The following FUOM variants were observed in gnomAD, a reference collection of about 807,000 sequenced individuals.
FUOM encodes the protein protein fucU homolog.
Under a neutral mutation model 18.3 loss-of-function variants are expected in FUOM, and 19 were observed. That is an observed-to-expected ratio of 1.04 (90% CI 0.73 to 1.53). FUOM has a LOEUF of 1.53. Among genes scored for constraint, FUOM ranks in the 40% most tolerant of loss-of-function variants. The pLI is 0.00. For missense variants in FUOM, 210 were observed against 200.9 expected (o/e 1.04, Z -0.27); for synonymous variants, 102 against 87.9 (o/e 1.16, Z -0.90).
At chr10:133,355,855 A>G (rs758699899) in intron 4 of FUOM, 44 bp from the exon 5 acceptor site, 3 of 1,522,172 alleles carry the variant, frequency 2.0e-6, no homozygotes, top group Non-Finnish European at 2.7e-6. Context: ...CTGCCAAGAA[A>G]CCCTCATGGG....
At chr10:133,355,558 A>C in intron 5 of FUOM, 122 bp from the exon 6 acceptor site, 1 of 1,609,108 alleles carries the variant, frequency 6.2e-7, no homozygotes, top group Admixed American at 1.7e-5. Context: ...GCTCAGGCAA[A>C]TGGGGGCCCT....
downstream of FUOM, among the ~76,000 whole-genome samples, chr10:133,354,783 C>T (rs1033455863): frequency 2.7e-5 from 4 of 149,838 alleles, no homozygotes; most frequent in Non-Finnish European, 5.9e-5. Flanking sequence ...CGGGAGGCCA[C>T]CTATGCCACA....
chr10:133,355,397 C>A lies in FUOM; in HGVS notation c.438G>T (p.Gly146=), dbSNP rs1397081697. 6.2e-7 allele frequency: 1 copy of A among 1,608,894 alleles called. No individual in the cohort carries two copies. The highest frequency in any genetic ancestry group is 1.1e-5 in the South Asian group (1 of 90,590). The part of the protein sequence containing the change: ...ALYGNLILRK[G]VLALNPLL ...ACAGCAGGGGGTTGAGGGCAAGCAC[C>A]CCCTTCCTGAGGATGAGGTTTCCGT... Residue 146 remains glycine (G), a synonymous_variant, in exon 6 of 6, where the codon GGG becomes GGT. Transcript: ENST00000278025.
Position 133,356,727 on chromosome 10 carries a change from C to T in FUOM, c.237G>A (p.Met79Ile). 1 of 1,589,346 alleles carries T rather than the reference C, an allele frequency of 6.3e-7. No individual in the cohort carries two copies. The highest frequency in any genetic ancestry group is 1.3e-5 in the African/African-American group (1 of 74,342). The change falls in exon 4 of 6, where the codon ATG (methionine) becomes ATA (isoleucine). Residue 79 changes from methionine (M) to isoleucine (I), a missense_variant. Coordinates refer to ENST00000278025, the MANE Select transcript of FUOM (RefSeq NM_001098483.3). ...TCTCCTTGTCGCTGGGCACCAGCTC[C>T]ATGACTGCAGCCTAGAGGGAGGGGT... Reference protein sequence around the residue: ...DTYVESPAAVMELVPSDKERG... With the variant: ...DTYVESPAAVIELVPSDKERG...
chr10:133,355,228 C>T lies in FUOM; in HGVS notation c.*142G>A. Reference sequence around the variant, plus strand: ...GGGATACTCGTCCCAATTGGCAGGGCCCACCCCAAGACTGCCGGCCCCTAG... The same window carrying T: ...GGGATACTCGTCCCAATTGGCAGGGTCCACCCCAAGACTGCCGGCCCCTAG... On this transcript the variant is annotated 3_prime_UTR_variant, in exon 6 of 6. Transcript: ENST00000278025. 1 of 841,994 alleles carries T rather than the reference C, an allele frequency of 1.2e-6. No homozygotes were observed. Among genetic ancestry groups the T allele is most frequent in the Non-Finnish European group, 1.8e-6 (1 of 557,270 alleles). The allele number at this position is 841,994 out of a possible 1,614,324, so 52.2% of individuals were successfully genotyped here.
chr10:133,356,200 G>T (rs1345855178), intron 4 of FUOM, among the ~76,000 whole-genome samples: 1 of 152,246 alleles, frequency 6.6e-6, no homozygotes, highest in Non-Finnish European at 1.5e-5. Context: ...CTGTCCCCTT[G>T]CAGGGCAAGG....
downstream of FUOM, among the ~76,000 whole-genome samples, chr10:133,355,001 T>C: frequency 6.6e-6 from 1 of 151,974 alleles, no homozygotes; most frequent in East Asian, 1.9e-4. Context: ...CTCCAGCCCT[T>C]GGTGTCCCCA....
rs369096518 is a variant in FUOM at position 133,355,311 on chromosome 10, G to A, written c.*59C>T. 3.8e-4 allele frequency: 578 copies of A among 1,528,088 alleles called. 7 individuals are homozygous for A. The highest frequency in any genetic ancestry group is 1.4e-4 in the Admixed American group (7 of 51,124). 94.7% of individuals were successfully genotyped at this position (1,528,088 alleles called of 1,614,324 possible). A position where few individuals can be genotyped will look rare whatever the true frequency, so the allele number is the denominator to read the frequency against. ...CACTGGGAGGCCTGTTGTGAGTGGT[G>A]GTACTGGAGCTCAGGGTGCCCCCAG... On this transcript the variant is annotated 3_prime_UTR_variant, in exon 6 of 6. Transcript: ENST00000278025.
Position 133,356,697 on chromosome 10 carries a change from G to A in FUOM, c.267C>T (p.Gly89=). 2.5e-6 allele frequency: 4 copies of A among 1,600,102 alleles called. No individual in the cohort carries two copies. Among genetic ancestry groups the A allele is most frequent in the African/African-American group, 2.7e-5 (2 of 74,726 alleles). ...ACTCCGTCCACACTGGGGTCTGCAGGCCCCTCTCCTTGTCGCTGGGCACCA... is the reference window on the plus strand; with the variant it reads ...ACTCCGTCCACACTGGGGTCTGCAGACCCCTCTCCTTGTCGCTGGGCACCA... ...MELVPSDKER[G]LQTPVWTEYE... The change falls in exon 4 of 6, where the codon GGC becomes GGT. Residue 89 remains glycine (G), a synonymous_variant. Transcript: ENST00000278025.
downstream of FUOM, among the ~76,000 whole-genome samples, chr10:133,354,389 AC>A (rs1848730384): frequency 6.6e-6 from 1 of 152,026 alleles, no homozygotes; most frequent in Non-Finnish European, 1.5e-5. Context: ...GCTTGCCTGC[AC>A]CCCCAAGGTT....
downstream of FUOM, among the ~76,000 whole-genome samples, chr10:133,353,168 C>T (rs141764305): frequency 3.0e-4 from 45 of 152,284 alleles, no homozygotes; most frequent in East Asian, 3.9e-3. Context: ...CCCAGCTGAA[C>T]GGACGTGCAT....
At chr10:133,356,522 G>A (rs1848805092) in intron 4 of FUOM, 118 bp downstream of exon 4, 1 of 677,058 alleles carries the variant, frequency 1.5e-6, no homozygotes, top group African/African-American at 1.9e-5. Flanking sequence ...TTCTCAGGGT[G>A]ATGGGTGGGA....
downstream of FUOM, among the ~76,000 whole-genome samples, chr10:133,354,091 T>G (rs1478893523): frequency 2.0e-5 from 3 of 151,984 alleles, no homozygotes; most frequent in African/African-American, 4.8e-5. Flanking sequence ...GAGGGCACAC[T>G]AACCCCAGAG....
downstream of FUOM, among the ~76,000 whole-genome samples, chr10:133,353,845 T>C (rs1848721549): frequency 6.6e-6 from 1 of 152,022 alleles, no homozygotes; most frequent in East Asian, 1.9e-4. Flanking sequence ...ATCAACACGC[T>C]CAGGGCTGAG....
intron 1 of FUOM, chr10:133,357,666 C>G (rs1047702486): frequency 3.9e-6 from 2 of 507,916 alleles, no homozygotes; most frequent in African/African-American, 4.1e-5. Flanking sequence ...CCCTCGGGGG[C>G]AGCCCAGACG....
rs760646872 is a variant in FUOM at position 133,357,225 on chromosome 10, G to A, written c.116C>T (p.Ser39Phe). Residue 39 changes from serine to phenylalanine, a missense_variant, in exon 2 of 6, where the codon TCC becomes TTC. Coordinates refer to ENST00000278025, the MANE Select transcript of FUOM (RefSeq NM_001098483.3). ...CTCCATGGGCCCACACTGGCAGATGGAGGAGGCCGGGAAGTTCAAGTCCGC... is the reference window on the plus strand; with the variant it reads ...CTCCATGGGCCCACACTGGCAGATGAAGGAGGCCGGGAAGTTCAAGTCCGC... Reference protein sequence around the residue: ...VLADLNFPASSICQCGPMEIR... With the variant: ...VLADLNFPASFICQCGPMEIR... 32 of 1,582,682 alleles carry A rather than the reference G, an allele frequency of 2.0e-5. No individual in the cohort carries two copies. The highest frequency in any genetic ancestry group is 1.4e-4 in the Admixed American group (8 of 56,272).
Position 133,357,255 on chromosome 10 carries a change from A to C in FUOM, c.86T>G (p.Val29Gly), listed in dbSNP as rs1478905423. 6.3e-7 allele frequency: 1 copy of C among 1,575,164 alleles called. No individual in the cohort carries two copies. Among genetic ancestry groups the C allele is most frequent in the African/African-American group, 1.4e-5 (1 of 73,714 alleles). ...GGCCGGGAAGTTCAAGTCCGCAAGA[A>C]CTAAACAGCCGGGAGGACAGCCCGT... Reference protein sequence around the residue: ...LARMGHGDEIVLADLNFPASS... With the variant: ...LARMGHGDEIGLADLNFPASS... Residue 29 changes from valine (V) to glycine (G), a missense_variant and splice_region_variant, in exon 2 of 6, where the codon GTT becomes GGT. Physicochemically the swap from Val to Gly is moderately radical, Grantham distance 109 (BLOSUM62 -3). Coordinates refer to ENST00000278025, the MANE Select transcript of FUOM (RefSeq NM_001098483.3).
At position 133,355,438 on chromosome 10, in the gene FUOM, T is replaced by C. The variant is rs748543014; in HGVS notation, c.399-2A>G. On this transcript the variant is annotated splice_acceptor_variant, in intron 5 of 5. Transcript: ENST00000278025. LOFTEE classifies it high-confidence loss of function. ...AGGTTTCCGTAGAGGGCCGTCTCCC[T>C]GCAGAGGAGCCAAGCCCAGCACTGA... The C allele has an allele frequency of 1.9e-6, 3 of 1,609,992 alleles. No homozygotes were observed. The highest frequency in any genetic ancestry group is 2.5e-6 in the Non-Finnish European group (3 of 1,179,022).
chr10:133,355,518 G>A, intron 5 of FUOM, 82 bp from the exon 6 acceptor site: 1 of 1,606,788 alleles, frequency 6.2e-7, no homozygotes, highest in Non-Finnish European at 8.5e-7. Context: ...GGGGGACAGA[G>A]CAGACCCTGT....
Sources: allele counts gnomAD v4.1 joint callset (sites outside exome capture counted in the v4.1 genomes callset), GRCh38; gene constraint gnomAD v4.1.1; transcripts MANE v1.5; gene names NCBI Gene and HGNC (gene_info 2026-07-23, HGNC 2026-07-21).